Variants in RAB7A observed in about 807,000 individuals in gnomAD.
RAB7A encodes the protein ras-related protein Rab-7a.
RAB7A carries 2 observed loss-of-function variants against 24.5 expected under a neutral mutation model. The observed-to-expected ratio is 0.08, with a 90% CI of 0.03 to 0.26. The LOEUF is 0.26. Among genes scored for constraint, RAB7A ranks in the 10% least tolerant of loss-of-function variants. RAB7A has a pLI of 1.00. For missense variants in RAB7A, 118 were observed against 255.7 expected, an observed-to-expected ratio of 0.46 and a Z score of 3.67; for synonymous variants, 100 against 95.9, an observed-to-expected ratio of 1.04 and a Z score of -0.25.
At chr3:128,768,969 C>CTT (rs35457218) in intron 1 of RAB7A, among the ~76,000 whole-genome samples, 6,523 of 72,618 alleles carry the variant, frequency 0.09, 840 homozygotes, top group African/African-American at 0.15. Context: ...TCTTTCTTTC[C>CTT]TTTTTTTTTT....
intron 1 of RAB7A, among the ~76,000 whole-genome samples, chr3:128,791,989 A>G (rs746990589): frequency 6.6e-6 from 1 of 152,088 alleles, no homozygotes; most frequent in Non-Finnish European, 1.5e-5. Context: ...CCACCCATCA[A>G]CCCTCACACA....
chr3:128,807,197 C>T (rs898953034), intron 4 of RAB7A, among the ~76,000 whole-genome samples: 1 of 152,202 alleles, frequency 6.6e-6, no homozygotes, highest in African/African-American at 2.4e-5. Context: ...CTGGGCATTT[C>T]CTGTCCTGGG....
At chr3:128,764,962 G>A (rs753659516) in intron 1 of RAB7A, 148 of 1,596,314 alleles carry the variant, frequency 9.3e-5, no homozygotes, top group South Asian at 7.7e-4. Flanking sequence ...GTTGATGGCG[G>A]CCTCTGAGTC....
At chr3:128,752,186 C>G (rs1402932231) in intron 1 of RAB7A, among the ~76,000 whole-genome samples, 1 of 152,190 alleles carries the variant, frequency 6.6e-6, no homozygotes, top group African/African-American at 2.4e-5. Flanking sequence ...AATACTGGTG[C>G]TACAAACTAT....
chr3:128,744,876 CTTTTTT>C (rs1242538121), intron 1 of RAB7A, among the ~76,000 whole-genome samples: 1 of 139,382 alleles, frequency 7.2e-6, no homozygotes, highest in African/African-American at 2.7e-5. Context: ...TTTTCTTTTT[CTTTTTT>C]TTTTTTTTTG....
At chr3:128,759,154 A>AC (rs1324047554) in intron 1 of RAB7A, among the ~76,000 whole-genome samples, 1 of 152,252 alleles carries the variant, frequency 6.6e-6, no homozygotes, top group Non-Finnish European at 1.5e-5. Flanking sequence ...TTTCATAGTT[A>AC]CATTGAGATT....
At chr3:128,732,835 A>G (rs1175152198) in intron 1 of RAB7A, among the ~76,000 whole-genome samples, 1 of 151,106 alleles carries the variant, frequency 6.6e-6, no homozygotes, top group Admixed American at 6.6e-5. Context: ...TCAAGAAAAA[A>G]GAAATTGAAC....
At chr3:128,745,899 G>A (rs569072081) in intron 1 of RAB7A, among the ~76,000 whole-genome samples, 120 of 152,342 alleles carry the variant, frequency 7.9e-4, no homozygotes, top group Admixed American at 2.0e-3. Context: ...TGAGTCCTCT[G>A]AGCTGAGTGT....
intron 1 of RAB7A, among the ~76,000 whole-genome samples, chr3:128,775,278 T>G (rs965449973): frequency 2.6e-5 from 4 of 152,220 alleles, no homozygotes; most frequent in African/African-American, 7.2e-5. Flanking sequence ...TGGCTTTTAG[T>G]GAGACTGTTC....
chr3:128,774,939 C>T (rs1301044114), intron 1 of RAB7A, among the ~76,000 whole-genome samples: 1 of 152,076 alleles, frequency 6.6e-6, no homozygotes, highest in Non-Finnish European at 1.5e-5. Flanking sequence ...AGTCACTACA[C>T]CTGGCTAATT....
chr3:128,781,811 G>A (rs1233038628), intron 1 of RAB7A, among the ~76,000 whole-genome samples: 3 of 152,066 alleles, frequency 2.0e-5, no homozygotes, highest in South Asian at 4.1e-4. Context: ...CCAGGAGTTC[G>A]AGACCAACCT....
At chr3:128,780,777 A>G (rs1933201720) in intron 1 of RAB7A, among the ~76,000 whole-genome samples, 2 of 152,348 alleles carry the variant, frequency 1.3e-5, no homozygotes, top group South Asian at 4.1e-4. Context: ...CCATGTTCTT[A>G]GGGCCCATGT....
At chr3:128,797,322 T>TA (rs148751907) in intron 2 of RAB7A, among the ~76,000 whole-genome samples, 7,296 of 152,324 alleles carry the variant, frequency 0.048, 313 homozygotes, top group South Asian at 0.13. Context: ...AGCTTTAGGT[T>TA]ACCTTAACCT....
intron 1 of RAB7A, among the ~76,000 whole-genome samples, chr3:128,756,272 G>T (rs568186984): frequency 6.6e-6 from 1 of 152,160 alleles, no homozygotes; most frequent in South Asian, 2.1e-4. Flanking sequence ...GGAGGCAGGA[G>T]AATCGCTTGA....
chr3:128,786,383 G>A (rs145651082), intron 1 of RAB7A, among the ~76,000 whole-genome samples: 2,079 of 152,020 alleles, frequency 0.014, 51 homozygotes, highest in African/African-American at 0.046. Flanking sequence ...TGTGACTTTC[G>A]ATGCCTTTCT....
At chr3:128,741,081 AACTTTC>A (rs1481617311) in intron 1 of RAB7A, among the ~76,000 whole-genome samples, 6 of 151,840 alleles carry the variant, frequency 4.0e-5, no homozygotes, top group African/African-American at 1.4e-4. Flanking sequence ...AATTTTTTTT[AACTTTC>A]ACTTTCTGCT....
intron 1 of RAB7A, among the ~76,000 whole-genome samples, chr3:128,771,051 C>T (rs73198828): frequency 0.042 from 6,333 of 151,736 alleles, 181 homozygotes; most frequent in Non-Finnish European, 0.058. Flanking sequence ...CTCACTGTAA[C>T]CCCCACTTCC....
chr3:128,807,796 A>C, intron 5 of RAB7A, 125 bp downstream of exon 5: 4 of 1,362,176 alleles, frequency 2.9e-6, no homozygotes, highest in Non-Finnish European at 4.1e-6. Flanking sequence ...AGAATACCCT[A>C]TGTGTTCATC....
chr3:128,799,878 G>A (rs778993440), intron 3 of RAB7A, among the ~76,000 whole-genome samples: 14 of 152,146 alleles, frequency 9.2e-5, no homozygotes, highest in East Asian at 1.9e-4. Context: ...ATTTAGTACC[G>A]CAGGAGAGAA....
Sources: gnomAD v4.1 joint callset for allele counts (sites outside exome capture counted in the v4.1 genomes callset) on GRCh38, gnomAD v4.1.1 for gene constraint, MANE v1.5 for transcripts, NCBI Gene and HGNC (gene_info 2026-07-23, HGNC 2026-07-21) for gene names.